Variants in ZNF44 observed in about 807,000 individuals in gnomAD.
ZNF44 encodes the protein gonadotropin inducible transcription repressor-2.
ZNF44 carries 9 observed loss-of-function variants against 11.7 expected under a neutral mutation model. The ratio of observed to expected loss-of-function variants is 0.77; its 90% CI spans 0.46 to 1.35. The LOEUF (loss-of-function observed/expected upper bound fraction) is 1.35, where lower values mean the gene tolerates loss of function less well. ZNF44 is among the 40% of genes most tolerant of loss of function. The pLI is 0.00. For synonymous variants in ZNF44, 224 were observed against 242.7 expected, an observed-to-expected ratio of 0.92 and a Z score of 0.72; for missense variants, 696 against 743.1, an observed-to-expected ratio of 0.94 and a Z score of 0.74.
chr19:12,268,179 C>G (rs1347049917), downstream of ZNF44, among the ~76,000 whole-genome samples: 1 of 136,648 alleles, frequency 7.3e-6, no homozygotes, highest in East Asian at 2.2e-4. Context: ...CACACACACA[C>G]ACAAGCTCCT....
At chr19:12,231,039 C>T (rs910191308) in intron 2 of ZNF44, among the ~76,000 whole-genome samples, 23 of 152,122 alleles carry the variant, frequency 1.5e-4, no homozygotes, top group African/African-American at 5.6e-4. Flanking sequence ...GGCTGATGCC[C>T]TTTGGATTTA....
chr19:12,284,873 TGTGCTG>T (rs1967663322), intron 1 of ZNF44: 1 of 779,684 alleles, frequency 1.3e-6, no homozygotes, highest in Non-Finnish European at 2.2e-6. Flanking sequence ...ACTGCGGCTC[TGTGCTG>T]GTGCGCCTCA....
chr19:12,274,566 G>A (rs1011068110), intron 3 of ZNF44, among the ~76,000 whole-genome samples: 8 of 150,208 alleles, frequency 5.3e-5, no homozygotes, highest in Admixed American at 2.0e-4. Flanking sequence ...AAGCCACTGC[G>A]CCTGGCCTTT....
At chr19:12,250,417 A>T (rs1391543421) in intron 5 of ZNF44, 1 of 1,299,970 alleles carries the variant, frequency 7.7e-7, no homozygotes, top group Non-Finnish European at 1.0e-6. Flanking sequence ...GACTGACAGC[A>T]CTGGACATCT....
intron 1 of ZNF44, among the ~76,000 whole-genome samples, chr19:12,235,940 AAAG>A (rs1916369944): frequency 6.6e-6 from 1 of 152,204 alleles, no homozygotes; most frequent in Non-Finnish European, 1.5e-5. Context: ...AGGGAAGATA[AAAG>A]GAGGAGAGGC....
At chr19:12,276,211 T>A in intron 1 of ZNF44, 129 bp from the exon 2 acceptor site, 1 of 1,397,704 alleles carries the variant, frequency 7.2e-7, no homozygotes, top group Non-Finnish European at 9.9e-7. Flanking sequence ...GTAAATCCAC[T>A]CTTATTCTGT....
chr19:12,284,385 C>G (rs1305803401), intron 1 of ZNF44: 8 of 616,626 alleles, frequency 1.3e-5, no homozygotes, highest in Non-Finnish European at 2.4e-5. Context: ...CCCTGGGGAC[C>G]CTGGGATGGG....
At chr19:12,253,686 A>G (rs1233780690) in intron 5 of ZNF44, among the ~76,000 whole-genome samples, 1 of 152,062 alleles carries the variant, frequency 6.6e-6, no homozygotes, top group African/African-American at 2.4e-5. Context: ...AGAAAAAAAA[A>G]CAGGAAGGAC....
At chr19:12,271,055 A>ATGATGATGATGATGCTGC (rs35133078), downstream of ZNF44, among the ~76,000 whole-genome samples, 4 of 152,092 alleles carry the variant, frequency 2.6e-5, no homozygotes, top group African/African-American at 7.3e-5. Context: ...GATGATGATG[A>ATGATGATGATGATGCTGC]TGATGATGAT....
chr19:12,259,771 T>C lies in ZNF44; in HGVS notation c.1913-9403A>G, dbSNP rs149938192. ...CAGGTTTGAACTAACTTCTTTGTTA[T>C]GCCACAACTATGCCATGGGTGTTAT... On this transcript the variant is annotated intron_variant and NMD_transcript_variant, in intron 5 of 7. Transcript: ENST00000393337. 1.4e-3 allele frequency among the ~76,000 whole-genome samples: 219 copies of C among 152,344 alleles called. 3 individuals are homozygous for C. Among genetic ancestry groups the C allele is most frequent in the African/African-American group, 5.1e-3 (213 of 41,578 alleles).
intron 2 of ZNF44, 147 bp from the exon 3 acceptor site, chr19:12,275,180 C>T (rs1237935266): frequency 4.2e-5 from 21 of 497,678 alleles, no homozygotes; most frequent in Non-Finnish European, 1.0e-5. Flanking sequence ...CTGCACAAGT[C>T]CATTTATATA....
At chr19:12,265,019 C>T (rs1202418540) in intron 5 of ZNF44, among the ~76,000 whole-genome samples, 1 of 151,632 alleles carries the variant, frequency 6.6e-6, no homozygotes, top group Non-Finnish European at 1.5e-5. Flanking sequence ...TCTAAACAAT[C>T]ATATTTTAAC....
chr19:12,248,790 G>A, intron 7 of ZNF44: 2 of 647,416 alleles, frequency 3.1e-6, no homozygotes, highest in South Asian at 3.9e-5. Context: ...AGATTTTTTT[G>A]TCCTGTCTAA....
chr19:12,255,473 A>G (rs998244913), intron 5 of ZNF44, among the ~76,000 whole-genome samples: 3 of 152,254 alleles, frequency 2.0e-5, no homozygotes, highest in Non-Finnish European at 4.4e-5. Flanking sequence ...GCATTTGGCT[A>G]AGTACAACTT....
At chr19:12,227,820 T>TAG (rs1915984464) in intron 3 of ZNF44, among the ~76,000 whole-genome samples, 9 of 152,190 alleles carry the variant, frequency 5.9e-5, no homozygotes, top group Admixed American at 5.9e-4. Context: ...CAAACACCAT[T>TAG]TTGTATTTGA....
chr19:12,286,052 G>A (rs1967732483), intron 1 of ZNF44, among the ~76,000 whole-genome samples: 1 of 152,004 alleles, frequency 6.6e-6, no homozygotes, highest in African/African-American at 2.4e-5. Context: ...AGTCCTATGA[G>A]CACTGCAATG....
intron 1 of ZNF44, among the ~76,000 whole-genome samples, chr19:12,292,277 T>G (rs1968037830): frequency 6.6e-6 from 1 of 151,776 alleles, no homozygotes; most frequent in Non-Finnish European, 1.5e-5. Flanking sequence ...GCCACTACAC[T>G]CCAGCCTGGG....
intron 1 of ZNF44, among the ~76,000 whole-genome samples, chr19:12,287,362 G>A (rs1010176851): frequency 6.6e-6 from 1 of 151,984 alleles, no homozygotes; most frequent in African/African-American, 2.4e-5. Flanking sequence ...CTACAGGCAT[G>A]TGCCACCACG....
intron 2 of ZNF44, among the ~76,000 whole-genome samples, chr19:12,232,045 C>G (rs1365025908): frequency 6.6e-6 from 1 of 152,204 alleles, no homozygotes; most frequent in Non-Finnish European, 1.5e-5. Context: ...GATGTGTCAG[C>G]GTCACAAGAC....
Sources: allele counts gnomAD v4.1 joint callset (sites outside exome capture counted in the v4.1 genomes callset), GRCh38; gene constraint gnomAD v4.1.1; transcripts MANE v1.5; gene names NCBI Gene and HGNC (gene_info 2026-07-23, HGNC 2026-07-21).